Variants in FOXRED1 observed in about 807,000 individuals in gnomAD.
The protein encoded by FOXRED1 is FAD-dependent oxidoreductase domain-containing protein 1.
In FOXRED1, 52 loss-of-function variants were observed where a neutral mutation model predicts 57.8. The observed-to-expected ratio is 0.90, with a 90% CI of 0.72 to 1.13. The LOEUF is 1.13. Among genes scored for constraint, FOXRED1 ranks in the 50% most tolerant of loss-of-function variants. FOXRED1 has a pLI of 0.00. For synonymous variants in FOXRED1, 271 were observed against 248.3 expected (o/e 1.09, Z -0.86); for missense variants, 589 against 625.2 (o/e 0.94, Z 0.62).
Position 126,275,362 on chromosome 11 carries a change from C to G in FOXRED1, c.667C>G (p.Leu223Val). The change falls in exon 6 of 11, where the codon CTG becomes GTG. Residue 223 changes from leucine to valine, a missense_variant. By Grantham distance (32) the Leu-to-Val change is conservative. Transcript: ENST00000263578. This position sits in a 1 kb window ranked among gnomAD's most constrained non-coding sequence, Gnocchi z 5.9. ...EDEGWFDPWC[L>V]LQGLRRKVQS... ...CGAAGGTTGGTTTGACCCCTGGTGT[C>G]TGCTCCAGGGGCTTCGGCGAAAGGT... 5 of 1,613,812 alleles carry G rather than the reference C, an allele frequency of 3.1e-6. No homozygotes were observed. Among genetic ancestry groups the G allele is most frequent in the Non-Finnish European group, 4.2e-6 (5 of 1,179,718 alleles).
rs536947116 is a variant in FOXRED1 at position 126,274,475 on chromosome 11, T to G, written c.537-452T>G. 33 of 221,818 alleles carry G rather than the reference T, an allele frequency of 1.5e-4. No homozygotes were observed. The highest frequency in any genetic ancestry group is 6.8e-4 in the African/African-American group (30 of 44,216). 13.7% of individuals were successfully genotyped at this position (221,818 alleles called of 1,614,324 possible). A position where few individuals can be genotyped will look rare whatever the true frequency, so the allele number is the denominator to read the frequency against. ...ACCAGCCTGGCCAACTGGTGAAACC[T>G]CATCTCTACTAAAAATACAAAAATT... On this transcript the variant is annotated intron_variant, in intron 4 of 10. Transcript: ENST00000263578. The surrounding 1 kb of genome is among the most constrained non-coding windows in gnomAD (Gnocchi z 4.8).
At position 126,278,091 on chromosome 11, in the gene FOXRED1, C is replaced by T. The variant is rs1382494804; in HGVS notation, c.*402C>T. On this transcript the variant is annotated 3_prime_UTR_variant, in exon 11 of 11. Coordinates refer to ENST00000263578, the MANE Select transcript of FOXRED1 (RefSeq NM_017547.4). This position sits in a 1 kb window ranked among gnomAD's most constrained non-coding sequence, Gnocchi z 4.8. Reference sequence around the variant, plus strand: ...GGTTTATTGATTTTCGTCTGTTTACCCTATCCATTAATCAATACATGTAAT... The same window carrying T: ...GGTTTATTGATTTTCGTCTGTTTACTCTATCCATTAATCAATACATGTAAT... The T allele has an allele frequency of 1.5e-5, 7 of 474,598 alleles. No individual in the cohort carries two copies. The East Asian group carries it at 3.8e-4, about 26-fold the overall frequency. The allele number at this position is 474,598 out of a possible 1,614,324, so 29.4% of individuals were successfully genotyped here. A position where few individuals can be genotyped will look rare whatever the true frequency, so the allele number is the denominator to read the frequency against.
rs746463478 is a variant in FOXRED1 at position 126,277,479 on chromosome 11, C to A, written c.1251C>A (p.Asp417Glu). ...GCTATTACGACTACAACACCTTTGA[C>A]CAGAATGGCGTGGTGGGCCCCCACC... is the stretch of plus-strand genomic sequence containing the variant. ...WAGYYDYNTF[D>E]QNGVVGPHPL... is the part of the protein sequence containing the mutation. Residue 417 changes from aspartate (D) to glutamate (E), a missense_variant, in exon 11 of 11, where the codon GAC becomes GAA. Asp to Glu is a conservative substitution (Grantham distance 45). Transcript: ENST00000263578. The surrounding 1 kb of genome is among the most constrained non-coding windows in gnomAD (Gnocchi z 6.8). 4 of 1,613,506 alleles carry A rather than the reference C, an allele frequency of 2.5e-6. No individual in the cohort carries two copies. Among genetic ancestry groups the A allele is most frequent in the Non-Finnish European group, 2.5e-6 (3 of 1,180,004 alleles).
chr11:126,277,575 G>C lies in FOXRED1; in HGVS notation c.1347G>C (p.Gly449=), dbSNP rs780747860. The C allele has an allele frequency of 6.2e-7, 1 of 1,613,810 alleles. No homozygotes were observed. Among genetic ancestry groups the C allele is most frequent in the South Asian group, 1.1e-5 (1 of 91,088 alleles). The stretch of plus-strand genomic sequence containing the variant: ...GGCTCCAGCAGGCCCCTGGCATTGG[G>C]CGAGCTGTAGCAGAGATGGTACTGA... ...GHGLQQAPGI[G]RAVAEMVLKG... Residue 449 remains glycine (G), a synonymous_variant, in exon 11 of 11, where the codon GGG becomes GGC. Coordinates refer to ENST00000263578, the MANE Select transcript of FOXRED1 (RefSeq NM_017547.4). This position sits in a 1 kb window ranked among gnomAD's most constrained non-coding sequence, Gnocchi z 6.8.
Position 126,277,361 on chromosome 11 carries a change from T to A in FOXRED1, c.1207-74T>A. On this transcript the variant is annotated intron_variant, in intron 10 of 10. Coordinates refer to ENST00000263578, the MANE Select transcript of FOXRED1 (RefSeq NM_017547.4). This position sits in a 1 kb window ranked among gnomAD's most constrained non-coding sequence, Gnocchi z 6.8. The stretch of plus-strand genomic sequence containing the variant: ...GCAGCAGGTAGAGGGTACTCTGTGC[T>A]GAGCCCTGAGGGGAGTGAGGATGGA... 6.4e-7 allele frequency: 1 copy of A among 1,560,518 alleles called. No individual in the cohort carries two copies. Among genetic ancestry groups the A allele is most frequent in the Non-Finnish European group, 8.8e-7 (1 of 1,133,016 alleles).
chr11:126,270,211 T>C (rs1056524813), intron 1 of FOXRED1, among the ~76,000 whole-genome samples: 4 of 152,156 alleles, frequency 2.6e-5, no homozygotes, highest in African/African-American at 9.7e-5. Context: ...GCCATCTAGA[T>C]AGACGGTGTG....
Position 126,269,241 on chromosome 11 carries a change from G to A in FOXRED1, c.35G>A (p.Arg12Gln). 1 of 1,613,912 alleles carries A rather than the reference G, an allele frequency of 6.2e-7. No individual in the cohort carries two copies. Among genetic ancestry groups the A allele is most frequent in the African/African-American group, 1.3e-5 (1 of 75,070 alleles). Residue 12 changes from arginine to glutamine, a missense_variant, in exon 1 of 11, where the codon CGG becomes CAG. Physicochemically the swap from Arg to Gln is conservative, Grantham distance 43 (BLOSUM62 1). Coordinates refer to ENST00000263578, the MANE Select transcript of FOXRED1 (RefSeq NM_017547.4). ...IRRVLPHGMG[R>Q]GLLTRRPGTR... ...AGGGTTCTGCCGCACGGCATGGGCC[G>A]GGGCCTCTTGACCCGGAGGCCAGGC...
In FOXRED1 at chr11:126,275,334, G is replaced by T; in HGVS notation, c.639G>T (p.Glu213Asp). The T allele has an allele frequency of 6.2e-7, 1 of 1,611,128 alleles. No homozygotes were observed. Among genetic ancestry groups the T allele is most frequent in the Non-Finnish European group, 8.5e-7 (1 of 1,177,270 alleles). ...EGVALASYGM[E>D]DEGWFDPWCL... Reference sequence around the variant, plus strand: ...CTCTTTTTCTTATCACAGGGATGGAGGACGAAGGTTGGTTTGACCCCTGGT... The same window carrying T: ...CTCTTTTTCTTATCACAGGGATGGATGACGAAGGTTGGTTTGACCCCTGGT... The change falls in exon 6 of 11, where the codon GAG becomes GAT. Residue 213 changes from glutamate (E) to aspartate (D), a missense_variant. Glu to Asp is a conservative substitution (Grantham distance 45). Transcript: ENST00000263578. This position sits in a 1 kb window ranked among gnomAD's most constrained non-coding sequence, Gnocchi z 5.9.
chr11:126,276,592 T>C, intron 9 of FOXRED1, 69 bp downstream of exon 9: 1 of 1,551,858 alleles, frequency 6.4e-7, no homozygotes, highest in Non-Finnish European at 8.8e-7. Flanking sequence ...AATCAGGCTT[T>C]TGGCCAGGCA....
Position 126,271,301 on chromosome 11 carries a change from C to G in FOXRED1, c.86-136C>G. On this transcript the variant is annotated intron_variant, in intron 1 of 10. Transcript: ENST00000263578. This position sits in a 1 kb window ranked among gnomAD's most constrained non-coding sequence, Gnocchi z 5.3. Reference sequence around the variant, plus strand: ...GCAACACTGTTGGGTGCAAGGTGACCTTATGAGATGGGCTGACAGTGGGGA... The same window carrying G: ...GCAACACTGTTGGGTGCAAGGTGACGTTATGAGATGGGCTGACAGTGGGGA... 1.4e-6 allele frequency: 1 copy of G among 721,966 alleles called. No individual in the cohort carries two copies. Among genetic ancestry groups the G allele is most frequent in the Non-Finnish European group, 2.5e-6 (1 of 397,478 alleles). 44.7% of individuals were successfully genotyped at this position (721,966 alleles called of 1,614,324 possible).
In FOXRED1 at chr11:126,273,109, G is replaced by A; in HGVS notation, c.417+30G>A. Reference sequence around the variant, plus strand: ...GTGCAATGATATCCGGGATGTTGGGGTGGTTACCCCTCCTTTAGCCCAGAG... The same window carrying A: ...GTGCAATGATATCCGGGATGTTGGGATGGTTACCCCTCCTTTAGCCCAGAG... On this transcript the variant is annotated intron_variant, in intron 3 of 10. Transcript: ENST00000263578. This position sits in a 1 kb window ranked among gnomAD's most constrained non-coding sequence, Gnocchi z 5.9. 2 of 1,297,476 alleles carry A rather than the reference G, an allele frequency of 1.5e-6. No individual in the cohort carries two copies. Among genetic ancestry groups the A allele is most frequent in the Non-Finnish European group, 2.2e-6 (2 of 890,764 alleles). The allele number at this position is 1,297,476 out of a possible 1,614,324, so 80.4% of individuals were successfully genotyped here. A position where few individuals can be genotyped will look rare whatever the true frequency, so the allele number is the denominator to read the frequency against.
At position 126,274,297 on chromosome 11, in the gene FOXRED1, G is replaced by T; in HGVS notation, c.537-630G>T. The T allele has an allele frequency of 5.9e-6, 1 of 168,888 alleles. No individual in the cohort carries two copies. Among genetic ancestry groups the T allele is most frequent in the Non-Finnish European group, 1.3e-5 (1 of 76,814 alleles). The allele number at this position is 168,888 out of a possible 1,614,324, so 10.5% of individuals were successfully genotyped here. A position where few individuals can be genotyped will look rare whatever the true frequency, so the allele number is the denominator to read the frequency against. On this transcript the variant is annotated intron_variant, in intron 4 of 10. Transcript: ENST00000263578. This position sits in a 1 kb window ranked among gnomAD's most constrained non-coding sequence, Gnocchi z 4.8. ...CAGGAACAGGATTGTACAAGGAGTGGAGAGGAGGTGGATCCAGGCAGGAGT... is the reference window on the plus strand; with the variant it reads ...CAGGAACAGGATTGTACAAGGAGTGTAGAGGAGGTGGATCCAGGCAGGAGT...
Position 126,275,699 on chromosome 11 carries a change from T to A in FOXRED1, c.734-95T>A, listed in dbSNP as rs1951109825. ...TTCAGTGTCTGTGGGAAAGCTCCCA[T>A]CCTTCCAGCTTTCTTTCCTTAAGAA... On this transcript the variant is annotated intron_variant, in intron 6 of 10. Transcript: ENST00000263578. The surrounding 1 kb of genome is among the most constrained non-coding windows in gnomAD (Gnocchi z 5.9). 4.5e-6 allele frequency: 4 copies of A among 897,052 alleles called. No individual in the cohort carries two copies. In the South Asian group the frequency reaches 5.5e-5, roughly 12 times the overall value. The allele number at this position is 897,052 out of a possible 1,614,324, so 55.6% of individuals were successfully genotyped here.
In FOXRED1 at chr11:126,276,057, A is replaced by T. The variant is rs770998661; in HGVS notation, c.811-2A>T. ...CCACTCCTCACCCTCTGGTGTCTGC[A>T]GGTGAAGATGGACCGCAGCCTGGAG... On this transcript the variant is annotated splice_acceptor_variant, in intron 7 of 10. Coordinates refer to ENST00000263578, the MANE Select transcript of FOXRED1 (RefSeq NM_017547.4). LOFTEE classifies it high-confidence loss of function. 1.2e-6 allele frequency: 2 copies of T among 1,612,802 alleles called. No individual in the cohort carries two copies. Among genetic ancestry groups the T allele is most frequent in the Non-Finnish European group, 1.7e-6 (2 of 1,179,966 alleles).
Position 126,272,701 on chromosome 11 carries a change from G to T in FOXRED1, c.307-268G>T, listed in dbSNP as rs917938074. 32 of 550,740 alleles carry T rather than the reference G, an allele frequency of 5.8e-5. No homozygotes were observed. The African/African-American group carries it at 5.9e-4, about 10-fold the overall frequency. 34.1% of individuals were successfully genotyped at this position (550,740 alleles called of 1,614,324 possible). A position where few individuals can be genotyped will look rare whatever the true frequency, so the allele number is the denominator to read the frequency against. On this transcript the variant is annotated intron_variant, in intron 2 of 10. Coordinates refer to ENST00000263578, the MANE Select transcript of FOXRED1 (RefSeq NM_017547.4). This position sits in a 1 kb window ranked among gnomAD's most constrained non-coding sequence, Gnocchi z 4.6. ...CCAAATGGTAGGTCAAACGTTAATC[G>T]CCTGCCCTTGGACTTCCAGGCCATT...
chr11:126,270,794 T>C (rs951855288), intron 1 of FOXRED1, among the ~76,000 whole-genome samples: 5 of 152,192 alleles, frequency 3.3e-5, no homozygotes, highest in Non-Finnish European at 5.9e-5. Flanking sequence ...TATTTCTAGC[T>C]ATATTGTAAA....
rs754319183 is a variant in FOXRED1, at chr11:126,273,476, T to A, written c.536+22T>A. On this transcript the variant is annotated intron_variant, in intron 4 of 10. Transcript: ENST00000263578. This position sits in a 1 kb window ranked among gnomAD's most constrained non-coding sequence, Gnocchi z 5.9. ...AGAGGTGGGTGCCTGGCACAGCCTC[T>A]TAGCTGCTTGGCAGCCAAAGGTGTT... 1.3e-5 allele frequency: 19 copies of A among 1,519,736 alleles called. No individual in the cohort carries two copies. The Middle Eastern group carries it at 8.5e-4, about 68-fold the overall frequency. 94.1% of individuals were successfully genotyped at this position (1,519,736 alleles called of 1,614,324 possible). A position where few individuals can be genotyped will look rare whatever the true frequency, so the allele number is the denominator to read the frequency against.
In FOXRED1 at chr11:126,272,298, G is replaced by T. The variant is rs987019201; in HGVS notation, c.306+641G>T. Among the ~76,000 whole-genome samples the T allele has an allele frequency of 5.3e-5, 8 of 150,686 alleles. No individual in the cohort carries two copies. The highest frequency in any genetic ancestry group is 2.0e-4 in the African/African-American group (8 of 40,880). ...TCTTTTGGGTCCCGTTACTTCTGAG[G>T]TTTTTTGCATTTTATTGTATTTATT... On this transcript the variant is annotated intron_variant, in intron 2 of 10. Coordinates refer to ENST00000263578, the MANE Select transcript of FOXRED1 (RefSeq NM_017547.4). This position sits in a 1 kb window ranked among gnomAD's most constrained non-coding sequence, Gnocchi z 4.6.
Position 126,274,321 on chromosome 11 carries a change from G to T in FOXRED1, c.537-606G>T. On this transcript the variant is annotated intron_variant, in intron 4 of 10. Coordinates refer to ENST00000263578, the MANE Select transcript of FOXRED1 (RefSeq NM_017547.4). The surrounding 1 kb of genome is among the most constrained non-coding windows in gnomAD (Gnocchi z 4.8). The stretch of plus-strand genomic sequence containing the variant: ...GGAGAGGAGGTGGATCCAGGCAGGA[G>T]TGGAGGGAACAAGGTTACCACCTTG... The T allele has an allele frequency of 5.8e-6, 1 of 171,464 alleles. No homozygotes were observed. Among genetic ancestry groups the T allele is most frequent in the Non-Finnish European group, 1.3e-5 (1 of 78,386 alleles). The allele number at this position is 171,464 out of a possible 1,614,324, so 10.6% of individuals were successfully genotyped here.
Sources: allele counts gnomAD v4.1 joint callset (sites outside exome capture counted in the v4.1 genomes callset), GRCh38; gene constraint gnomAD v4.1.1; non-coding constraint Gnocchi (gnomAD v3.1); transcripts MANE v1.5; gene names NCBI Gene and HGNC (gene_info 2026-07-23, HGNC 2026-07-21).